The following EDAR variants were observed in gnomAD, a reference collection of about 807,000 sequenced individuals.
EDAR encodes the protein ectodysplasin A receptor.
In EDAR, 38 loss-of-function variants were observed where a neutral mutation model predicts 51.3. The ratio of observed to expected loss-of-function variants is 0.74; its 90% CI spans 0.57 to 0.97. EDAR has a LOEUF of 0.97. Among genes scored for constraint, EDAR ranks in the 50% least tolerant of loss-of-function variants. EDAR has a pLI of 0.00. For synonymous variants in EDAR, 227 were observed against 242.1 expected, an observed-to-expected ratio of 0.94 and a Z score of 0.58; for missense variants, 528 against 595.0, an observed-to-expected ratio of 0.89 and a Z score of 1.17.
intron 1 of EDAR, among the ~76,000 whole-genome samples, chr2:108,957,211 C>T (rs539835569): frequency 3.3e-5 from 5 of 152,246 alleles, no homozygotes; most frequent in Non-Finnish European, 7.3e-5. Context: ...AGCCCTCACA[C>T]TGCATCTCCA....
intron 11 of EDAR, among the ~76,000 whole-genome samples, chr2:108,900,567 A>C (rs1047862064): frequency 2.5e-5 from 2 of 80,442 alleles, no homozygotes; most frequent in African/African-American, 5.7e-5. Context: ...AAAGAAAAAA[A>C]AAAAAACAAA....
At chr2:108,900,006 C>T (rs1291665307) in intron 11 of EDAR, among the ~76,000 whole-genome samples, 1 of 151,988 alleles carries the variant, frequency 6.6e-6, no homozygotes, top group East Asian at 1.9e-4. Flanking sequence ...ATAATAATAA[C>T]ACCAGTAGAC....
intron 9 of EDAR, among the ~76,000 whole-genome samples, chr2:108,909,868 G>T (rs181479916): frequency 6.6e-6 from 1 of 152,328 alleles, no homozygotes; most frequent in African/African-American, 2.4e-5. Context: ...GCCTGGACTC[G>T]GACCCCAGCC....
chr2:108,983,005 T>C (rs1698442745), intron 1 of EDAR, among the ~76,000 whole-genome samples: 1 of 152,216 alleles, frequency 6.6e-6, no homozygotes, highest in Non-Finnish European at 1.5e-5. Flanking sequence ...TGGTACTTAT[T>C]GGAGATTTTA....
intron 5 of EDAR, among the ~76,000 whole-genome samples, chr2:108,917,919 G>A (rs1161990724): frequency 4.6e-5 from 7 of 152,092 alleles, no homozygotes; most frequent in African/African-American, 1.7e-4. Context: ...TGTTTTCCAG[G>A]CGAGTCAGAA....
chr2:108,902,884 G>A (rs1696728025), intron 11 of EDAR, among the ~76,000 whole-genome samples: 1 of 152,176 alleles, frequency 6.6e-6, no homozygotes, highest in African/African-American at 2.4e-5. Flanking sequence ...TCACTGTAGT[G>A]CTGGAAGGTA....
intron 11 of EDAR, among the ~76,000 whole-genome samples, chr2:108,897,836 G>A (rs1696628295): frequency 6.6e-6 from 1 of 152,196 alleles, no homozygotes; most frequent in Admixed American, 6.5e-5. Context: ...ACTAAGTACA[G>A]CTAAAAGCCC....
intron 1 of EDAR, among the ~76,000 whole-genome samples, chr2:108,980,774 T>C (rs1228574432): frequency 2.0e-5 from 3 of 152,022 alleles, no homozygotes; most frequent in African/African-American, 7.2e-5. Flanking sequence ...CTTGAATCAG[T>C]GTGGCCAGAG....
chr2:108,955,076 C>CATTATT (rs1318792469), intron 1 of EDAR, among the ~76,000 whole-genome samples: 1 of 152,044 alleles, frequency 6.6e-6, no homozygotes, highest in Non-Finnish European at 1.5e-5. Flanking sequence ...TTAATAATAG[C>CATTATT]ATTAAAGGGT....
At chr2:108,915,995 G>A (rs931495932) in intron 5 of EDAR, among the ~76,000 whole-genome samples, 4 of 152,260 alleles carry the variant, frequency 2.6e-5, no homozygotes, top group African/African-American at 7.2e-5. Context: ...ACAACAGAGC[G>A]TTCCCCCTCA....
At chr2:108,982,183 G>A (rs1698431236) in intron 1 of EDAR, among the ~76,000 whole-genome samples, 1 of 152,222 alleles carries the variant, frequency 6.6e-6, no homozygotes. Context: ...AAGATCTAGA[G>A]CCCGTTGTCT....
At chr2:108,937,199 CTTCT>C (rs1697489834) in intron 1 of EDAR, among the ~76,000 whole-genome samples, 1 of 152,226 alleles carries the variant, frequency 6.6e-6, no homozygotes, top group African/African-American at 2.4e-5. Flanking sequence ...AGCAGCCACT[CTTCT>C]TTATCACTGC....
chr2:108,972,754 T>A (rs920806415), intron 1 of EDAR, among the ~76,000 whole-genome samples: 1 of 152,186 alleles, frequency 6.6e-6, no homozygotes, highest in African/African-American at 2.4e-5. Context: ...TCACAGCCCA[T>A]GCAGATGCTG....
At chr2:108,911,898 C>A (rs1319559621) in intron 6 of EDAR, among the ~76,000 whole-genome samples, 1 of 152,242 alleles carries the variant, frequency 6.6e-6, no homozygotes, top group Admixed American at 6.5e-5. Context: ...CCAGCATCAT[C>A]TGGGGAATAC....
chr2:108,911,252 AC>A (rs927718789), intron 6 of EDAR, among the ~76,000 whole-genome samples, 180 bp from the exon 7 acceptor site: 3 of 152,006 alleles, frequency 2.0e-5, no homozygotes, highest in African/African-American at 7.2e-5. Context: ...TGGCTGCCAG[AC>A]CAGGACTGCC....
chr2:108,937,544 AGTGTGTGAATGTTATGT>A (rs1303831839), intron 1 of EDAR, among the ~76,000 whole-genome samples: 2 of 151,156 alleles, frequency 1.3e-5, no homozygotes, highest in Admixed American at 6.6e-5. Flanking sequence ...TATGTGTGTG[AGTGTGTGAATGTTATGT>A]GTGTGTGTAT....
chr2:108,950,530 A>G (rs1265432565), intron 1 of EDAR, among the ~76,000 whole-genome samples: 1 of 152,146 alleles, frequency 6.6e-6, no homozygotes, highest in African/African-American at 2.4e-5. Context: ...AGCACAAGAG[A>G]TTGTTTATTC....
At chr2:108,966,572 A>G (rs1015311153) in intron 1 of EDAR, among the ~76,000 whole-genome samples, 3 of 152,240 alleles carry the variant, frequency 2.0e-5, no homozygotes, top group Non-Finnish European at 2.9e-5. Flanking sequence ...TTCTGTCTGG[A>G]CAATAGTCAT....
intron 1 of EDAR, among the ~76,000 whole-genome samples, chr2:108,983,716 G>T (rs78676234): frequency 0.016 from 2,487 of 152,306 alleles, 68 homozygotes; most frequent in East Asian, 0.092. Context: ...TGGTGGCTCC[G>T]TGCGGGACGG....
Sources: allele counts gnomAD v4.1 joint callset (sites outside exome capture counted in the v4.1 genomes callset), GRCh38; gene constraint gnomAD v4.1.1; transcripts MANE v1.5; gene names NCBI Gene and HGNC (gene_info 2026-07-23, HGNC 2026-07-21).